Variants in SORCS1 observed in about 807,000 individuals in gnomAD.
The protein encoded by SORCS1 is VPS10 domain-containing receptor SorCS1.
Under a neutral mutation model 146.1 loss-of-function variants are expected in SORCS1, and 60 were observed. That is an observed-to-expected ratio of 0.41 (90% CI 0.33 to 0.51). SORCS1 has a LOEUF of 0.51. Among genes scored for constraint, SORCS1 ranks in the 20% least tolerant of loss-of-function variants. The probability of loss-of-function intolerance (pLI) is 0.21; values close to 1 mark genes in which losing one functional copy is unlikely to be tolerated. For synonymous variants in SORCS1, 637 were observed against 584.0 expected (o/e 1.09, Z -1.31); for missense variants, 1,352 against 1,487.6 (o/e 0.91, Z 1.50).
chr10:106,780,624 A>T (rs1860815557), intron 3 of SORCS1, among the ~76,000 whole-genome samples: 1 of 152,192 alleles, frequency 6.6e-6, no homozygotes, highest in South Asian at 2.1e-4. Context: ...CCCCTGCAAC[A>T]CTGGGATTTC....
chr10:106,603,092 C>T (rs932201551), intron 23 of SORCS1, among the ~76,000 whole-genome samples: 4 of 152,098 alleles, frequency 2.6e-5, no homozygotes, highest in Non-Finnish European at 4.4e-5. Context: ...AAAGACAACA[C>T]ACCTAGGCTC....
intron 1 of SORCS1, among the ~76,000 whole-genome samples, chr10:107,041,057 G>A (rs912235060): frequency 2.6e-5 from 4 of 152,076 alleles, no homozygotes; most frequent in Non-Finnish European, 5.9e-5. Flanking sequence ...CTATGCAATA[G>A]TGTTAAAGAA....
chr10:106,674,995 T>C, intron 14 of SORCS1, 54 bp downstream of exon 14: 6 of 1,417,122 alleles, frequency 4.2e-6, no homozygotes, highest in Non-Finnish European at 5.9e-6. Flanking sequence ...TAAAACATTT[T>C]TGTGGATTAC....
At chr10:106,901,063 G>A (rs1385045703) in intron 2 of SORCS1, among the ~76,000 whole-genome samples, 4 of 152,060 alleles carry the variant, frequency 2.6e-5, no homozygotes, top group African/African-American at 9.7e-5. Context: ...GATTCAAAAG[G>A]CAGCCCTCTG....
intron 22 of SORCS1, among the ~76,000 whole-genome samples, chr10:106,608,004 T>G (rs941151309): frequency 3.3e-5 from 5 of 152,218 alleles, no homozygotes; most frequent in Non-Finnish European, 5.9e-5. Context: ...AAGGACTTCT[T>G]GTTTATCCTA....
At chr10:107,092,861 T>A (rs2134320751) in intron 1 of SORCS1, among the ~76,000 whole-genome samples, 1 of 130,256 alleles carries the variant, frequency 7.7e-6, no homozygotes. Context: ...ATTCCCAGGT[T>A]CACGGGCTAA....
chr10:106,901,895 T>A (rs2138085324), intron 2 of SORCS1, among the ~76,000 whole-genome samples: 1 of 152,132 alleles, frequency 6.6e-6, no homozygotes, highest in South Asian at 2.1e-4. Context: ...TACAAAAAAA[T>A]TAGCCAGGCA....
chr10:106,959,473 GAT>G (rs1955123439), intron 1 of SORCS1, among the ~76,000 whole-genome samples: 1 of 152,068 alleles, frequency 6.6e-6, no homozygotes, highest in Admixed American at 6.6e-5. Flanking sequence ...CCTTATGTTA[GAT>G]ATGTTTTGCT....
intron 4 of SORCS1, 68 bp from the exon 5 acceptor site, chr10:106,761,729 T>C: frequency 3.1e-6 from 4 of 1,307,782 alleles, no homozygotes; most frequent in Non-Finnish European, 3.3e-6. Flanking sequence ...CATCAGTTCA[T>C]TGGATCAATA....
chr10:106,620,333 A>G (rs1847655613), intron 20 of SORCS1, 95 bp downstream of exon 20: 2 of 1,475,834 alleles, frequency 1.4e-6, no homozygotes, highest in South Asian at 2.8e-5. Flanking sequence ...CTGCTTCTAC[A>G]CTCTAGGGTT....
intron 2 of SORCS1, among the ~76,000 whole-genome samples, chr10:106,883,881 G>C (rs1009093302): frequency 1.8e-4 from 28 of 152,152 alleles, no homozygotes; most frequent in African/African-American, 6.8e-4. Context: ...AACCTGGCTT[G>C]TTCACTATTT....
intron 2 of SORCS1, among the ~76,000 whole-genome samples, chr10:106,924,420 A>G (rs961439068): frequency 6.6e-6 from 1 of 152,192 alleles, no homozygotes; most frequent in Admixed American, 6.5e-5. Context: ...AAACATGCAA[A>G]TAAAATTTTG....
intron 24 of SORCS1, among the ~76,000 whole-genome samples, chr10:106,579,975 ACT>A (rs1438588333): frequency 5.9e-5 from 9 of 151,852 alleles, no homozygotes; most frequent in African/African-American, 2.2e-4. Flanking sequence ...ATTTTATTAT[ACT>A]CTGAGTGTAA....
chr10:106,772,274 C>T (rs1860077561), intron 4 of SORCS1, among the ~76,000 whole-genome samples: 1 of 152,126 alleles, frequency 6.6e-6, no homozygotes, highest in African/African-American at 2.4e-5. Flanking sequence ...GTTCCTGGTT[C>T]TCAGGACTTT....
intron 2 of SORCS1, among the ~76,000 whole-genome samples, chr10:106,848,704 G>A (rs1158047709): frequency 4.2e-5 from 6 of 141,370 alleles, no homozygotes; most frequent in African/African-American, 1.6e-4. Context: ...ATTTTGGCAT[G>A]ATTTTGCAGC....
chr10:106,686,646 A>G (rs1852866972), intron 10 of SORCS1, among the ~76,000 whole-genome samples: 2 of 152,210 alleles, frequency 1.3e-5, no homozygotes, highest in Non-Finnish European at 2.9e-5. Context: ...TTGTGCACTT[A>G]CTATAACAAC....
intron 15 of SORCS1, among the ~76,000 whole-genome samples, chr10:106,671,951 A>T (rs1429778228): frequency 6.6e-6 from 1 of 152,218 alleles, no homozygotes; most frequent in Non-Finnish European, 1.5e-5. Flanking sequence ...AAAGGAGAAA[A>T]TATCAGCAAT....
intron 1 of SORCS1, among the ~76,000 whole-genome samples, chr10:107,046,901 A>G (rs1044189245): frequency 6.6e-6 from 1 of 152,266 alleles, no homozygotes; most frequent in Non-Finnish European, 1.5e-5. Flanking sequence ...TCCCTCTATC[A>G]TGATGGTGGC....
chr10:106,753,285 A>T (rs1858394300), intron 5 of SORCS1, among the ~76,000 whole-genome samples: 1 of 152,126 alleles, frequency 6.6e-6, no homozygotes, highest in Non-Finnish European at 1.5e-5. Context: ...AGGAAGAGGA[A>T]AGAGTTACAG....
Sources: allele counts gnomAD v4.1 joint callset (sites outside exome capture counted in the v4.1 genomes callset), GRCh38; gene constraint gnomAD v4.1.1; transcripts MANE v1.5; gene names NCBI Gene and HGNC (gene_info 2026-07-23, HGNC 2026-07-21).